Variants in LOC128092252 observed in about 807,000 individuals in gnomAD.
the LOC128092252 span, among the ~76,000 whole-genome samples, chr15:50,650,694 CA>C: frequency 7.0e-6 from 1 of 141,930 alleles, no homozygotes; most frequent in Admixed American, 7.0e-5. Context: ...GACTGGGTCT[CA>C]AAAAAAACAA....
At chr15:50,649,177 G>A in the LOC128092252 span, among the ~76,000 whole-genome samples, 2 of 152,092 alleles carry the variant, frequency 1.3e-5, no homozygotes, top group Non-Finnish European at 2.9e-5. Context: ...TGTGGCTCAC[G>A]CGGGTAATCC....
the LOC128092252 span, chr15:50,648,956 G>A: frequency 8.3e-7 from 1 of 1,199,130 alleles, no homozygotes; most frequent in Non-Finnish European, 1.1e-6. Flanking sequence ...AATTAAAAGT[G>A]AATGAACCGA....
chr15:50,658,044 G>A, the LOC128092252 span, among the ~76,000 whole-genome samples: 4 of 130,596 alleles, frequency 3.1e-5, no homozygotes, highest in African/African-American at 1.1e-4. Flanking sequence ...TCGCTCTGTT[G>A]CCCAGGCTGG....
At chr15:50,663,330 A>G in the LOC128092252 span, among the ~76,000 whole-genome samples, 1 of 152,128 alleles carries the variant, frequency 6.6e-6, no homozygotes, top group African/African-American at 2.4e-5. Flanking sequence ...GCGTTTCTCC[A>G]TGTTGGTCAG....
chr15:50,678,256 A>AAC, the LOC128092252 span, among the ~76,000 whole-genome samples: 1 of 133,644 alleles, frequency 7.5e-6, no homozygotes, highest in African/African-American at 2.6e-5. Flanking sequence ...AAAAAACAAA[A>AAC]ACAAAAACAA....
the LOC128092252 span, among the ~76,000 whole-genome samples, chr15:50,655,906 C>T: frequency 2.0e-5 from 3 of 151,956 alleles, 1 homozygote; most frequent in Middle Eastern, 6.8e-3. Context: ...AGGAGAATCA[C>T]TTGAACCTGG....
At chr15:50,657,820 C>CTA in the LOC128092252 span, 6 of 1,610,012 alleles carry the variant, frequency 3.7e-6, no homozygotes, top group African/African-American at 8.0e-5. Context: ...TGGAAGGCAT[C>CTA]TATTGAACAC....
chr15:50,667,621 C>T, the LOC128092252 span, among the ~76,000 whole-genome samples: 1 of 152,150 alleles, frequency 6.6e-6, no homozygotes, highest in Non-Finnish European at 1.5e-5. Context: ...GCAGGAGAAT[C>T]GCTTGAACCC....
At chr15:50,661,334 A>G in the LOC128092252 span, among the ~76,000 whole-genome samples, 2 of 152,336 alleles carry the variant, frequency 1.3e-5, no homozygotes, top group African/African-American at 4.8e-5. Flanking sequence ...TTTTGCATAT[A>G]GACTGAATGT....
At chr15:50,664,900 G>C in the LOC128092252 span, among the ~76,000 whole-genome samples, 1 of 152,264 alleles carries the variant, frequency 6.6e-6, no homozygotes, top group Non-Finnish European at 1.5e-5. Context: ...GGGAGGTCAA[G>C]GCTGCAGTAA....
the LOC128092252 span, among the ~76,000 whole-genome samples, chr15:50,655,135 T>A: frequency 7.1e-6 from 1 of 141,418 alleles, no homozygotes; most frequent in South Asian, 2.2e-4. Context: ...AAAAGTTAAT[T>A]AAAAAAAAAA....
At chr15:50,648,991 T>C in the LOC128092252 span, 10 of 744,612 alleles carry the variant, frequency 1.3e-5, no homozygotes, top group Non-Finnish European at 2.0e-5. Context: ...AAAATTTTTA[T>C]ATTTTATATA....
chr15:50,654,336 A>G, the LOC128092252 span, among the ~76,000 whole-genome samples: 1 of 151,146 alleles, frequency 6.6e-6, no homozygotes, highest in Non-Finnish European at 1.5e-5. Flanking sequence ...AATCCCAGCT[A>G]CTCGGGAGGC....
At chr15:50,677,542 C>G in the LOC128092252 span, among the ~76,000 whole-genome samples, 1 of 151,658 alleles carries the variant, frequency 6.6e-6, no homozygotes, top group Non-Finnish European at 1.5e-5. Context: ...AGTTTGAGAC[C>G]AGCCTGACCA....
chr15:50,686,598 C>T, the LOC128092252 span: 1 of 1,596,684 alleles, frequency 6.3e-7, no homozygotes, highest in Non-Finnish European at 8.5e-7. Context: ...CGGCCTGTAG[C>T]CATCTATCGG....
the LOC128092252 span, among the ~76,000 whole-genome samples, chr15:50,664,802 A>G: frequency 6.6e-6 from 1 of 152,102 alleles, no homozygotes; most frequent in African/African-American, 2.4e-5. Flanking sequence ...TCTACAAAAA[A>G]ATTAAACAGT....
At chr15:50,657,647 T>A in the LOC128092252 span, 11 of 743,556 alleles carry the variant, frequency 1.5e-5, no homozygotes, top group Non-Finnish European at 2.4e-5. Flanking sequence ...CCCTTCACCT[T>A]CCAAGTCTAG....
the LOC128092252 span, among the ~76,000 whole-genome samples, chr15:50,655,280 A>G: frequency 6.6e-6 from 1 of 151,766 alleles, no homozygotes; most frequent in Non-Finnish European, 1.5e-5. Context: ...CTAATAATAC[A>G]AAATGAGCCA....
chr15:50,669,361 G>A, the LOC128092252 span, among the ~76,000 whole-genome samples: 3 of 152,156 alleles, frequency 2.0e-5, no homozygotes, highest in Admixed American at 1.3e-4. Flanking sequence ...CTTGAACTCA[G>A]GAGATGGAGG....
Sources: gnomAD v4.1 joint callset for allele counts (sites outside exome capture counted in the v4.1 genomes callset) on GRCh38, gnomAD v4.1.1 for gene constraint, MANE v1.5 for transcripts.